PSEN1: variants seen among roughly 807,000 people sequenced by gnomAD.
The protein encoded by PSEN1 is presenilin 1.
A neutral mutation model predicts 53.5 loss-of-function variants in PSEN1; 15 were observed. The ratio of observed to expected loss-of-function variants is 0.28; its 90% CI spans 0.19 to 0.43. The LOEUF (loss-of-function observed/expected upper bound fraction) is 0.43. PSEN1 is among the 20% of genes least tolerant of loss of function. The pLI is 1.00. For missense variants in PSEN1, 387 were observed against 571.2 expected (o/e 0.68, Z 3.29); for synonymous variants, 208 against 209.8 (o/e 0.99, Z 0.08).
chr14:73,184,148 G>A (rs1439015396), intron 5 of PSEN1, among the ~76,000 whole-genome samples: 1 of 103,874 alleles, frequency 9.6e-6, no homozygotes, highest in Non-Finnish European at 1.9e-5. Context: ...CTGGCCGGCC[G>A]GGGGGCTGAC....
chr14:73,212,993 G>A (rs362380), intron 10 of PSEN1, among the ~76,000 whole-genome samples: 8,522 of 152,244 alleles, frequency 0.056, 325 homozygotes, highest in Non-Finnish European at 0.088. Flanking sequence ...TTATGACCTT[G>A]ACATATCCAT....
intron 3 of PSEN1, among the ~76,000 whole-genome samples, chr14:73,158,590 G>A (rs1277204119): frequency 6.6e-6 from 1 of 152,066 alleles, no homozygotes; most frequent in East Asian, 1.9e-4. Context: ...CCAAAGTGTT[G>A]GGATTACAGG....
chr14:73,216,771 A>AAT (rs891318431), intron 10 of PSEN1, among the ~76,000 whole-genome samples: 2 of 152,070 alleles, frequency 1.3e-5, no homozygotes, highest in African/African-American at 4.8e-5. Flanking sequence ...AAAAAAAAAA[A>AAT]ATATTAATTA....
At position 73,173,713 on chromosome 14, in the gene PSEN1, C is replaced by T. The variant is rs200974995; in HGVS notation, c.480+6C>T. 27 of 1,613,830 alleles carry T rather than the reference C, an allele frequency of 1.7e-5. No individual in the cohort carries two copies. Among genetic ancestry groups the T allele is most frequent in the Non-Finnish European group, 2.0e-5 (24 of 1,179,810 alleles). ...ATAAATACAGGTGCTATAAGGTGAG[C>T]ATGAGACACAGATCTTTGCTTTCCA... On this transcript the variant is annotated splice_donor_region_variant and intron_variant, in intron 5 of 11. Transcript: ENST00000324501.
At chr14:73,160,515 C>T (rs1201303979) in intron 3 of PSEN1, among the ~76,000 whole-genome samples, 1 of 152,162 alleles carries the variant, frequency 6.6e-6, no homozygotes, top group African/African-American at 2.4e-5. Context: ...ACATTCCCAC[C>T]AACAATGCAT....
intron 7 of PSEN1, among the ~76,000 whole-genome samples, chr14:73,197,090 A>G (rs923053015): frequency 6.6e-6 from 1 of 151,340 alleles, no homozygotes; most frequent in Non-Finnish European, 1.5e-5. Context: ...GCGCCACCAC[A>G]CCCAGCTAAT....
chr14:73,212,143 G>C (rs186170275), intron 10 of PSEN1, among the ~76,000 whole-genome samples: 1 of 95,030 alleles, frequency 1.1e-5, no homozygotes, highest in Admixed American at 1.7e-4. Flanking sequence ...ACAGAGTCTC[G>C]CTCTGTCGCC....
intron 7 of PSEN1, among the ~76,000 whole-genome samples, chr14:73,194,569 T>C (rs888519716): frequency 8.1e-4 from 119 of 146,896 alleles, no homozygotes; most frequent in Middle Eastern, 3.5e-3. Context: ...CCATACACTT[T>C]TTTTTTTTTT....
At chr14:73,206,690 C>T (rs1026629931) in intron 9 of PSEN1, among the ~76,000 whole-genome samples, 1 of 152,066 alleles carries the variant, frequency 6.6e-6, no homozygotes, top group African/African-American at 2.4e-5. Context: ...TAAGACACCT[C>T]CCATTAAATA....
At position 73,220,001 on chromosome 14, in the gene PSEN1, G is replaced by A. The variant is rs1900082415; in HGVS notation, c.*712G>A. The A allele has an allele frequency of 6.6e-6, 1 of 152,404 alleles. No homozygotes were observed. The highest frequency in any genetic ancestry group is 1.5e-5 in the Non-Finnish European group (1 of 68,194). The allele number at this position is 152,404 out of a possible 1,614,324, so 9.4% of individuals were successfully genotyped here. On this transcript the variant is annotated 3_prime_UTR_variant, in exon 12 of 12. Coordinates refer to ENST00000324501, the MANE Select transcript of PSEN1 (RefSeq NM_000021.4). ...TTCTTCCCAAGGCCAGTCTGAACCT[G>A]AGGTTGCTTTATCCTAAAAGTTTTA...
intron 3 of PSEN1, among the ~76,000 whole-genome samples, chr14:73,156,055 T>A (rs10143704): frequency 0.04 from 6,051 of 152,154 alleles, 214 homozygotes; most frequent in African/African-American, 0.1. Flanking sequence ...AAAAATATTT[T>A]ATGGCTTGGT....
At chr14:73,202,454 ATATATATATTTTTTTTTT>A (rs1899255760) in intron 8 of PSEN1, among the ~76,000 whole-genome samples, 1 of 16,038 alleles carries the variant, frequency 6.2e-5, no homozygotes, top group African/African-American at 3.7e-4. Context: ...ATATATATAT[ATATATATATTTTTTTTTT>A]TTTTTTTTTT....
intron 5 of PSEN1, among the ~76,000 whole-genome samples, chr14:73,178,219 CTT>C (rs34023728): frequency 1.6e-4 from 20 of 127,928 alleles, no homozygotes; most frequent in Non-Finnish European, 8.3e-5. Context: ...ACACCCGGCC[CTT>C]TTTTTTTTTT....
chr14:73,183,474 T>C (rs1410450760), intron 5 of PSEN1, among the ~76,000 whole-genome samples: 1 of 152,092 alleles, frequency 6.6e-6, no homozygotes, highest in East Asian at 1.9e-4. Flanking sequence ...CCCTGGGTAC[T>C]TGAGATTAGG....
At chr14:73,146,944 C>G (rs1897088247) in intron 1 of PSEN1, among the ~76,000 whole-genome samples, 1 of 152,016 alleles carries the variant, frequency 6.6e-6, no homozygotes, top group African/African-American at 2.4e-5. Context: ...ATGTGGCCCC[C>G]CTAGGAGGGT....
At chr14:73,150,183 G>GT (rs1323272865) in intron 3 of PSEN1, among the ~76,000 whole-genome samples, 1 of 152,064 alleles carries the variant, frequency 6.6e-6, no homozygotes, top group Non-Finnish European at 1.5e-5. Context: ...CTTATTTGCT[G>GT]TTTTTTTGAT....
Position 73,173,621 on chromosome 14 carries a change from T to G in PSEN1, c.394T>G (p.Ser132Ala), listed in dbSNP as rs200937800. Reference sequence around the variant, plus strand: ...GACTGTGGGCCAGAGAGCCCTGCACTCAATTCTGAATGCTGCCATCATGAT... The same window carrying G: ...GACTGTGGGCCAGAGAGCCCTGCACGCAATTCTGAATGCTGCCATCATGAT... ...TETVGQRALH[S>A]ILNAAIMISV... The change falls in exon 5 of 12, where the codon TCA becomes GCA. Residue 132 changes from serine to alanine, a missense_variant. By Grantham distance (99) the Ser-to-Ala change is moderately conservative. Transcript: ENST00000324501. The G allele has an allele frequency of 1.9e-5, 30 of 1,613,880 alleles. No homozygotes were observed. The highest frequency in any genetic ancestry group is 2.5e-5 in the Non-Finnish European group (29 of 1,179,768).
intron 8 of PSEN1, among the ~76,000 whole-genome samples, chr14:73,199,317 A>T (rs1197115576): frequency 2.0e-5 from 3 of 152,240 alleles, no homozygotes; most frequent in Non-Finnish European, 4.4e-5. Context: ...GAAGAGGAAG[A>T]CAAGGGTCAA....
chr14:73,203,665 T>C (rs1229513943), intron 8 of PSEN1, among the ~76,000 whole-genome samples: 1 of 152,196 alleles, frequency 6.6e-6, no homozygotes, highest in Non-Finnish European at 1.5e-5. Flanking sequence ...GCATTTTTGT[T>C]TTTTACTTCT....
Sources: gnomAD v4.1 joint callset for allele counts (sites outside exome capture counted in the v4.1 genomes callset) on GRCh38, gnomAD v4.1.1 for gene constraint, MANE v1.5 for transcripts, NCBI Gene and HGNC (gene_info 2026-07-23, HGNC 2026-07-21) for gene names.